NBEA: variants seen among roughly 807,000 people sequenced by gnomAD.
NBEA encodes the protein neurobeachin.
In NBEA, 44 loss-of-function variants were observed where a neutral mutation model predicts 343.4. The ratio of observed to expected loss-of-function variants is 0.13; its 90% CI spans 0.10 to 0.16. NBEA has a LOEUF of 0.16. Among genes scored for constraint, NBEA ranks in the 10% least tolerant of loss-of-function variants. The pLI is 1.00. For synonymous variants in NBEA, 1,175 were observed against 1,238.7 expected (o/e 0.95, Z 1.08); for missense variants, 2,555 against 3,631.3 (o/e 0.70, Z 7.62).
At chr13:35,071,600 A>C (rs1459616631) in intron 10 of NBEA, among the ~76,000 whole-genome samples, 1 of 152,060 alleles carries the variant, frequency 6.6e-6, no homozygotes, top group Non-Finnish European at 1.5e-5. Flanking sequence ...CAAGTTATAT[A>C]GATAAGCATT....
At chr13:35,178,950 G>C (rs1172682814) in intron 28 of NBEA, among the ~76,000 whole-genome samples, 1 of 151,448 alleles carries the variant, frequency 6.6e-6, no homozygotes, top group East Asian at 1.9e-4. Flanking sequence ...CATCTCCAAA[G>C]GCACAGTCAG....
At chr13:35,302,970 T>C (rs546308097) in intron 35 of NBEA, among the ~76,000 whole-genome samples, 49 of 152,164 alleles carry the variant, frequency 3.2e-4, no homozygotes, top group Non-Finnish European at 1.0e-4. Flanking sequence ...ACTCCCATAT[T>C]GAAAAATTGG....
chr13:35,036,976 A>G (rs1232889307), intron 1 of NBEA, among the ~76,000 whole-genome samples: 1 of 152,116 alleles, frequency 6.6e-6, no homozygotes, highest in East Asian at 1.9e-4. Flanking sequence ...AGGTTTACTC[A>G]GAATAAACTT....
chr13:35,568,944 G>T (rs1170346414), intron 45 of NBEA, among the ~76,000 whole-genome samples: 1 of 152,120 alleles, frequency 6.6e-6, no homozygotes, highest in Admixed American at 6.6e-5. Flanking sequence ...AAGAGTATTA[G>T]TTTCTCTTTG....
At position 35,362,629 on chromosome 13, in the gene NBEA, T is replaced by C. The variant is rs192996802; in HGVS notation, c.6179+10306T>C. 4.0e-3 allele frequency among the ~76,000 whole-genome samples: 608 copies of C among 152,004 alleles called. 1 individual carries two copies. The highest frequency in any genetic ancestry group is 6.0e-3 in the Non-Finnish European group (406 of 67,882). ...ACCCATGCCCACCAAACAAACATGC[T>C]TAGGAAATAAATATATTTACATCAT... On this transcript the variant is annotated intron_variant, in intron 38 of 58. Coordinates refer to ENST00000379939, the MANE Select transcript of NBEA (RefSeq NM_001385012.1).
chr13:35,109,583 C>G (rs2066083606), intron 12 of NBEA, 141 bp downstream of exon 12: 7 of 692,832 alleles, frequency 1.0e-5, no homozygotes, highest in Non-Finnish European at 1.4e-5. Context: ...TAGGCAGTAT[C>G]AGGAGATCAA....
At chr13:35,582,520 A>G (rs1008867109) in intron 45 of NBEA, among the ~76,000 whole-genome samples, 6 of 152,132 alleles carry the variant, frequency 3.9e-5, no homozygotes, top group African/African-American at 1.2e-4. Context: ...TAAACCTTAG[A>G]ACTTTTTAAA....
chr13:35,325,661 G>A (rs1050060322), intron 36 of NBEA, among the ~76,000 whole-genome samples: 22 of 151,870 alleles, frequency 1.4e-4, no homozygotes, highest in African/African-American at 5.3e-4. Context: ...TCATGAAAAA[G>A]GTAATGATTC....
chr13:35,019,256 C>T (rs1261310731), intron 1 of NBEA, among the ~76,000 whole-genome samples: 1 of 150,722 alleles, frequency 6.6e-6, no homozygotes, highest in Admixed American at 6.6e-5. Flanking sequence ...ATATTGTTGA[C>T]TCATGGGTTT....
chr13:35,434,148 G>A (rs1192244238), intron 39 of NBEA, among the ~76,000 whole-genome samples: 2 of 151,876 alleles, frequency 1.3e-5, no homozygotes, highest in African/African-American at 4.8e-5. Context: ...TGTTTAATTT[G>A]TAAAATAATT....
At chr13:35,244,065 C>T (rs924050015) in intron 34 of NBEA, among the ~76,000 whole-genome samples, 3 of 151,542 alleles carry the variant, frequency 2.0e-5, no homozygotes, top group African/African-American at 4.8e-5. Flanking sequence ...ACATTTAAAA[C>T]TATTAAAATC....
chr13:35,395,005 C>T (rs2042676514), intron 38 of NBEA, among the ~76,000 whole-genome samples: 1 of 151,860 alleles, frequency 6.6e-6, no homozygotes, highest in Admixed American at 6.6e-5. Flanking sequence ...CTTTTGTAAC[C>T]CATGTATTAT....
At chr13:35,256,031 C>T (rs1243850265) in intron 34 of NBEA, among the ~76,000 whole-genome samples, 1 of 151,746 alleles carries the variant, frequency 6.6e-6, no homozygotes, top group Non-Finnish European at 1.5e-5. Flanking sequence ...GTGAGTAGCT[C>T]CTTTCCACAG....
At chr13:35,091,209 T>C (rs1214014844) in intron 10 of NBEA, among the ~76,000 whole-genome samples, 1 of 151,972 alleles carries the variant, frequency 6.6e-6, no homozygotes, top group East Asian at 1.9e-4. Context: ...TTAATCTCTC[T>C]GCCTTTCTGC....
At chr13:35,409,422 T>C (rs1451919824) in intron 38 of NBEA, among the ~76,000 whole-genome samples, 1 of 151,988 alleles carries the variant, frequency 6.6e-6, no homozygotes, top group East Asian at 1.9e-4. Flanking sequence ...GATGAAATAA[T>C]CTGTACAACA....
chr13:35,585,864 A>G (rs74950315), intron 46 of NBEA, among the ~76,000 whole-genome samples: 20,051 of 152,100 alleles, frequency 0.13, 1,448 homozygotes, highest in East Asian at 0.28. Context: ...GATTCTACCA[A>G]CTAAATATCT....
At chr13:35,366,857 T>C (rs1452599162) in intron 38 of NBEA, among the ~76,000 whole-genome samples, 1 of 151,362 alleles carries the variant, frequency 6.6e-6, no homozygotes, top group Non-Finnish European at 1.5e-5. Context: ...AAAATAAAAC[T>C]TAGATTCAAC....
At chr13:35,419,261 C>T (rs2044131034) in intron 38 of NBEA, among the ~76,000 whole-genome samples, 2 of 151,956 alleles carry the variant, frequency 1.3e-5, no homozygotes, top group African/African-American at 4.8e-5. Context: ...GATCAAAATA[C>T]CAGTAGATTT....
chr13:35,161,423 A>G (rs1397004077), intron 22 of NBEA, among the ~76,000 whole-genome samples: 2 of 152,198 alleles, frequency 1.3e-5, no homozygotes, highest in African/African-American at 4.8e-5. Flanking sequence ...TGCTCACTTC[A>G]TTAAGGAAGT....
Sources: allele counts gnomAD v4.1 joint callset (sites outside exome capture counted in the v4.1 genomes callset), GRCh38; gene constraint gnomAD v4.1.1; transcripts MANE v1.5; gene names NCBI Gene and HGNC (gene_info 2026-07-23, HGNC 2026-07-21).